The following TMC2 variants were observed in gnomAD, a reference collection of about 807,000 sequenced individuals.
TMC2 encodes transmembrane channel like 2, also known as transmembrane channel-like protein 2.
TMC2 carries 102 observed loss-of-function variants against 105.9 expected under a neutral mutation model. The ratio of observed to expected loss-of-function variants is 0.96; its 90% CI spans 0.82 to 1.14. The LOEUF is 1.14. TMC2 is among the 50% of genes most tolerant of loss of function. The pLI, the probability that TMC2 is intolerant of heterozygous loss-of-function variation, is 0.00. For missense variants in TMC2, 1,093 were observed against 1,134.3 expected, an observed-to-expected ratio of 0.96 and a Z score of 0.52; for synonymous variants, 402 against 422.8, an observed-to-expected ratio of 0.95 and a Z score of 0.60.
chr20:2,573,653 C>T (rs954264449), intron 5 of TMC2, among the ~76,000 whole-genome samples: 65 of 150,346 alleles, frequency 4.3e-4, no homozygotes, highest in African/African-American at 1.2e-3. Flanking sequence ...CTCTGCCTCC[C>T]GGGTTCACGC....
At chr20:2,543,708 T>G (rs145568619) in intron 2 of TMC2, among the ~76,000 whole-genome samples, 1 of 152,294 alleles carries the variant, frequency 6.6e-6, no homozygotes, top group Non-Finnish European at 1.5e-5. Flanking sequence ...GTGTCCAGAC[T>G]CAGTATGAGG....
chr20:2,592,458 A>T lies in TMC2; in HGVS notation c.933+50A>T. On this transcript the variant is annotated intron_variant, in intron 8 of 19. Coordinates refer to ENST00000358864, the MANE Select transcript of TMC2 (RefSeq NM_080751.3). The surrounding 1 kb of genome is among the most constrained non-coding windows in gnomAD (Gnocchi z 4.9). The stretch of plus-strand genomic sequence containing the variant: ...ACTTCCATTTGTGATTATAAAGGCT[A>T]AAGATTGCATGGATAAGTATGAAAT... The T allele has an allele frequency of 8.0e-7, 1 of 1,244,866 alleles. No individual in the cohort carries two copies. Among genetic ancestry groups the T allele is most frequent in the African/African-American group, 1.5e-5 (1 of 67,756 alleles). 77.1% of individuals were successfully genotyped at this position (1,244,866 alleles called of 1,614,324 possible). A position where few individuals can be genotyped will look rare whatever the true frequency, so the allele number is the denominator to read the frequency against.
chr20:2,570,428 A>C (rs551857967), intron 4 of TMC2, among the ~76,000 whole-genome samples: 1 of 152,156 alleles, frequency 6.6e-6, no homozygotes, highest in Non-Finnish European at 1.5e-5. Context: ...ATAAAATAAA[A>C]TACCTTGGAA....
chr20:2,573,748 G>A (rs1182246052), intron 5 of TMC2, among the ~76,000 whole-genome samples: 1 of 146,698 alleles, frequency 6.8e-6, no homozygotes, highest in Non-Finnish European at 1.5e-5. Context: ...TTTTAGTAGA[G>A]ACGGGGTTTC....
At chr20:2,607,769 T>A (rs534909489) in intron 11 of TMC2, among the ~76,000 whole-genome samples, 1 of 152,364 alleles carries the variant, frequency 6.6e-6, no homozygotes, top group African/African-American at 2.4e-5. Flanking sequence ...TCTATGTGTT[T>A]TTTTATTTTA....
At chr20:2,633,480 C>A (rs4592923) in intron 17 of TMC2, among the ~76,000 whole-genome samples, 114,896 of 152,096 alleles carry the variant, frequency 0.76, 43,527 homozygotes, top group East Asian at 0.87. Flanking sequence ...TTTGCCCCAA[C>A]TGTTATGCAA....
intron 11 of TMC2, 98 bp from the exon 12 acceptor site, chr20:2,610,321 C>A: frequency 1.7e-6 from 2 of 1,153,434 alleles, no homozygotes; most frequent in Non-Finnish European, 2.5e-6. Context: ...GCAGAGGGGG[C>A]AGCAGAGAAG....
At chr20:2,577,617 A>G (rs2086156276) in intron 5 of TMC2, among the ~76,000 whole-genome samples, 1 of 150,326 alleles carries the variant, frequency 6.7e-6, no homozygotes, top group Non-Finnish European at 1.5e-5. Flanking sequence ...TTCCTTCACA[A>G]AATTTTTCCC....
At chr20:2,608,457 AG>A (rs1420769672) in intron 11 of TMC2, among the ~76,000 whole-genome samples, 1 of 151,942 alleles carries the variant, frequency 6.6e-6, no homozygotes, top group Non-Finnish European at 1.5e-5. Flanking sequence ...TCTCCCAAGT[AG>A]CTGGGACTAC....
At chr20:2,546,577 C>T (rs1278512154) in intron 2 of TMC2, among the ~76,000 whole-genome samples, 1 of 151,820 alleles carries the variant, frequency 6.6e-6, no homozygotes, top group Non-Finnish European at 1.5e-5. Context: ...TTGAGGTCAC[C>T]AATAGGAATG....
intron 19 of TMC2, among the ~76,000 whole-genome samples, chr20:2,638,182 A>C (rs1434719129): frequency 6.6e-6 from 1 of 151,840 alleles, no homozygotes; most frequent in African/African-American, 2.4e-5. Context: ...TCTACTAAAA[A>C]TACAAAAAAT....
At position 2,558,980 on chromosome 20, in the gene TMC2, G is replaced by A. The variant is rs1395438602; in HGVS notation, c.401+206G>A. Among the ~76,000 whole-genome samples the A allele has an allele frequency of 1.3e-5, 2 of 152,176 alleles. No homozygotes were observed. Among genetic ancestry groups the A allele is most frequent in the African/African-American group, 4.8e-5 (2 of 41,438 alleles). ...CCCAGAACCGGGATGAAGATCGCGGGTCCGCGCGGGGGAGTGGCCGCGGGC... is the reference window on the plus strand; with the variant it reads ...CCCAGAACCGGGATGAAGATCGCGGATCCGCGCGGGGGAGTGGCCGCGGGC... On this transcript the variant is annotated intron_variant, in intron 3 of 19. Transcript: ENST00000358864. This position sits in a 1 kb window ranked among gnomAD's most constrained non-coding sequence, Gnocchi z 4.6.
At chr20:2,631,360 C>T (rs544656757) in intron 17 of TMC2, among the ~76,000 whole-genome samples, 25 of 152,288 alleles carry the variant, frequency 1.6e-4, no homozygotes, top group Admixed American at 3.3e-4. Context: ...TTTACTAGTG[C>T]TCTTTATTTC....
intron 6 of TMC2, 30 bp from the exon 7 acceptor site, chr20:2,579,920 A>C (rs770021255): frequency 1.8e-5 from 27 of 1,497,380 alleles, no homozygotes; most frequent in Non-Finnish European, 2.4e-5. Context: ...CTTCTGCAGC[A>C]CTCATACCCA....
Position 2,592,166 on chromosome 20 carries a change from T to G in TMC2, c.835-144T>G. On this transcript the variant is annotated intron_variant, in intron 7 of 19. Transcript: ENST00000358864. This position sits in a 1 kb window ranked among gnomAD's most constrained non-coding sequence, Gnocchi z 4.9. ...AAACTCCATCTCAAAAAATAAAAAA[T>G]GAATTAAATTAATAAATACATAAAG... The G allele has an allele frequency of 1.9e-6, 1 of 534,192 alleles. No individual in the cohort carries two copies. The highest frequency in any genetic ancestry group is 3.3e-6 in the Non-Finnish European group (1 of 303,100). 33.1% of individuals were successfully genotyped at this position (534,192 alleles called of 1,614,324 possible).
chr20:2,573,753 G>T, intron 5 of TMC2, among the ~76,000 whole-genome samples: 1 of 150,386 alleles, frequency 6.6e-6, no homozygotes, highest in Admixed American at 6.6e-5. Context: ...GTAGAGACGG[G>T]GTTTCACCGT....
intron 4 of TMC2, among the ~76,000 whole-genome samples, chr20:2,566,673 T>A (rs1009150423): frequency 1.1e-4 from 17 of 152,178 alleles, no homozygotes; most frequent in African/African-American, 4.1e-4. Flanking sequence ...ATGCCATATT[T>A]AAAGCAAATA....
intron 2 of TMC2, among the ~76,000 whole-genome samples, chr20:2,546,083 A>C (rs191522295): frequency 6.7e-4 from 102 of 152,322 alleles, no homozygotes; most frequent in Non-Finnish European, 6.0e-4. Context: ...CTCTCACAAA[A>C]GGTCCCCAAG....
At chr20:2,545,079 C>T (rs921178354) in intron 2 of TMC2, among the ~76,000 whole-genome samples, 5 of 151,304 alleles carry the variant, frequency 3.3e-5, no homozygotes, top group Admixed American at 1.3e-4. Context: ...TGGTGGCACA[C>T]ACCTGTAGTT....
Sources: gnomAD v4.1 joint callset for allele counts (sites outside exome capture counted in the v4.1 genomes callset) on GRCh38, gnomAD v4.1.1 for gene constraint, Gnocchi (gnomAD v3.1) non-coding constraint, MANE v1.5 for transcripts, NCBI Gene and HGNC (gene_info 2026-07-23, HGNC 2026-07-21) for gene names.